TTC31: variants seen among roughly 807,000 people sequenced by gnomAD.
The protein encoded by TTC31 is tetratricopeptide repeat domain 31.
TTC31 carries 59 observed loss-of-function variants against 60.4 expected under a neutral mutation model. That is an observed-to-expected ratio of 0.98 (90% CI 0.79 to 1.21). TTC31 has a LOEUF of 1.21. TTC31 is among the 50% of genes most tolerant of loss of function. The pLI, the probability that TTC31 is intolerant of heterozygous loss-of-function variation, is 0.00. For synonymous variants in TTC31, 225 were observed against 249.6 expected, an observed-to-expected ratio of 0.90 and a Z score of 0.93; for missense variants, 672 against 646.9, an observed-to-expected ratio of 1.04 and a Z score of -0.42.
rs1430616473 is a variant in TTC31 at position 74,490,294 on chromosome 2, G to C, written c.283G>C (p.Asp95His). The C allele has an allele frequency of 1.9e-6, 3 of 1,614,164 alleles. No individual in the cohort carries two copies. Among genetic ancestry groups the C allele is most frequent in the Non-Finnish European group, 2.5e-6 (3 of 1,180,008 alleles). Residue 95 changes from aspartate to histidine, a missense_variant, in exon 4 of 13, where the codon GAC (aspartate) becomes CAC (histidine). Physicochemically the swap from Asp to His is moderately conservative, Grantham distance 81. Transcript: ENST00000233623. ...DDEGKSTGQS[D>H]RGKGAEGLGT... ...TGAAGGGAAATCAACTGGACAGAGT[G>C]ACAGGGGCAAGGGGGCTGAGGGACT...
intron 2 of TTC31, chr2:74,483,801 A>AC (rs1378449762): frequency 1.5e-5 from 4 of 258,434 alleles, no homozygotes; most frequent in Non-Finnish European, 2.9e-5. Context: ...ACATAGTGAG[A>AC]CCCCATCTCT....
chr2:74,483,454 C>A, intron 2 of TTC31, 44 bp downstream of exon 2: 2 of 1,613,772 alleles, frequency 1.2e-6, no homozygotes, highest in South Asian at 2.2e-5. Flanking sequence ...TCATTTTGGT[C>A]ACGCCTCTTT....
chr2:74,484,142 C>T (rs1672802011), intron 2 of TTC31, among the ~76,000 whole-genome samples: 1 of 149,656 alleles, frequency 6.7e-6, no homozygotes, highest in Non-Finnish European at 1.5e-5. Context: ...GTTACTGAGG[C>T]AGGAGAATCG....
In TTC31 at chr2:74,492,127, T is replaced by C; in HGVS notation, c.929-12T>C. 1 of 1,614,192 alleles carries C rather than the reference T, an allele frequency of 6.2e-7. No homozygotes were observed. The highest frequency in any genetic ancestry group is 8.5e-7 in the Non-Finnish European group (1 of 1,180,026). ...GCCCCATCTGAACCTTCTCACCCTC[T>C]TTCCTTTCCAGAGTTGGGTACCAGC... On this transcript the variant is annotated splice_polypyrimidine_tract_variant and intron_variant, in intron 9 of 12. Transcript: ENST00000233623.
Position 74,491,988 on chromosome 2 carries a change from T to C in TTC31, c.877-16T>C. ...TGAGACCTCAAGACCTGCTTGACTT[T>C]GCACCCTATCCCCAGGCATCTCCGG... is the stretch of plus-strand genomic sequence containing the variant. On this transcript the variant is annotated splice_polypyrimidine_tract_variant and intron_variant, in intron 8 of 12. Coordinates refer to ENST00000233623, the MANE Select transcript of TTC31 (RefSeq NM_022492.6). 3 of 1,614,200 alleles carry C rather than the reference T, an allele frequency of 1.9e-6. No individual in the cohort carries two copies. Among genetic ancestry groups the C allele is most frequent in the Non-Finnish European group, 2.5e-6 (3 of 1,180,018 alleles).
chr2:74,486,994 A>T (rs996104746), intron 2 of TTC31, among the ~76,000 whole-genome samples: 1 of 152,218 alleles, frequency 6.6e-6, no homozygotes, highest in African/African-American at 2.4e-5. Flanking sequence ...TCACTGGGGA[A>T]AAAGCATTCT....
rs1323136184 is a variant in TTC31, at chr2:74,492,169, T to C, written c.959T>C (p.Phe320Ser). 2 of 1,614,236 alleles carry C rather than the reference T, an allele frequency of 1.2e-6. No homozygotes were observed. Among genetic ancestry groups the C allele is most frequent in the Admixed American group, 3.3e-5 (2 of 60,032 alleles). The part of the protein sequence containing the change: ...KLGTSFAQNG[F>S]YHEAVVLFTQ... ...GGTACCAGCTTTGCTCAAAATGGTT[T>C]CTACCATGAGGCCGTGGTCCTCTTC... The change falls in exon 10 of 13, where the codon TTC (phenylalanine) becomes TCC (serine). Residue 320 changes from phenylalanine (F) to serine (S), a missense_variant. Transcript: ENST00000233623.
intron 2 of TTC31, among the ~76,000 whole-genome samples, chr2:74,486,722 G>A (rs891747587): frequency 2.0e-5 from 3 of 152,020 alleles, no homozygotes; most frequent in Non-Finnish European, 4.4e-5. Context: ...AAGAAACCCC[G>A]TTTCTACTAA....
At chr2:74,483,276 A>T in intron 1 of TTC31, 46 bp from the exon 2 acceptor site, 1 of 1,613,274 alleles carries the variant, frequency 6.2e-7, no homozygotes, top group Non-Finnish European at 8.5e-7. Flanking sequence ...ACTCTAGCCC[A>T]TCTGTCCCGA....
intron 2 of TTC31, among the ~76,000 whole-genome samples, chr2:74,484,845 G>A (rs1672899033): frequency 6.6e-6 from 1 of 152,016 alleles, no homozygotes; most frequent in South Asian, 2.1e-4. Flanking sequence ...AAACCCAAAA[G>A]TTAATTTAAT....
rs1045997839 is a variant in TTC31 at position 74,483,118 on chromosome 2, T to C, written c.23T>C (p.Val8Ala). 2 of 1,614,104 alleles carry C rather than the reference T, an allele frequency of 1.2e-6. No individual in the cohort carries two copies. Among genetic ancestry groups the C allele is most frequent in the Middle Eastern group, 1.6e-4 (1 of 6,062 alleles). Residue 8 changes from valine (V) to alanine (A), a missense_variant, in exon 1 of 13, where the codon GTG (valine) becomes GCG (alanine). Transcript: ENST00000233623. MAPIPKT[V>A]GRIKLDCSLR... The stretch of plus-strand genomic sequence containing the variant: ...GCGATGGCGCCGATTCCAAAGACTG[T>C]GGGGCGGATCAAGCTAGGTGAGCGG...
At chr2:74,483,617 A>G in intron 2 of TTC31, 2 of 1,430,020 alleles carry the variant, frequency 1.4e-6, no homozygotes, top group Non-Finnish European at 1.8e-6. Context: ...AGATGCTCGA[A>G]GTGGGTAGAA....
chr2:74,492,604 T>C, intron 11 of TTC31, 42 bp from the exon 12 acceptor site: 2 of 1,610,654 alleles, frequency 1.2e-6, no homozygotes, highest in Non-Finnish European at 1.7e-6. Context: ...TTTAAGCACC[T>C]TGACACCTAA....
At position 74,490,008 on chromosome 2, in the gene TTC31, C is replaced by CA; in HGVS notation, c.130-17_130-16insA. 2 of 1,474,220 alleles carry CA rather than the reference C, an allele frequency of 1.4e-6. No individual in the cohort carries two copies. The highest frequency in any genetic ancestry group is 1.9e-6 in the Non-Finnish European group (2 of 1,076,704). The allele number at this position is 1,474,220 out of a possible 1,614,324, so 91.3% of individuals were successfully genotyped here. On this transcript the variant is annotated splice_polypyrimidine_tract_variant and intron_variant, in intron 2 of 12. Transcript: ENST00000233623. ...GCCCCCAACACCAGCCTCCCCTCCC[C>CA]TCCCCTCCCCTCCCAGGACATAGTG... is the stretch of plus-strand genomic sequence containing the variant.
rs777192579 is a variant in TTC31 at position 74,491,303 on chromosome 2, T to C, written c.612T>C (p.Thr204=). ...EQYCGEPKAS[T]TSDGDESPPS... ...GTCTATCTTTCTTCCAGGCCAGCAC[T>C]ACCTCAGATGGAGATGAGAGCCCCC... The change falls in exon 7 of 13, where the codon ACT becomes ACC. Residue 204 remains threonine (T), a synonymous_variant. Transcript: ENST00000233623. 2 of 1,614,182 alleles carry C rather than the reference T, an allele frequency of 1.2e-6. No homozygotes were observed. Among genetic ancestry groups the C allele is most frequent in the Middle Eastern group, 1.6e-4 (1 of 6,062 alleles).
intron 2 of TTC31, among the ~76,000 whole-genome samples, chr2:74,489,506 C>T (rs1278151000): frequency 6.6e-6 from 1 of 152,168 alleles, no homozygotes; most frequent in South Asian, 2.1e-4. Flanking sequence ...ATGGCCTTGG[C>T]AGTGGGGGAT....
intron 8 of TTC31, 39 bp from the exon 9 acceptor site, chr2:74,491,965 A>C: frequency 6.2e-7 from 1 of 1,613,924 alleles, no homozygotes; most frequent in Non-Finnish European, 8.5e-7. Context: ...GGGGAGGCTG[A>C]GACCTCAAGA....
chr2:74,487,068 G>A (rs534187622), intron 2 of TTC31, among the ~76,000 whole-genome samples: 5 of 152,218 alleles, frequency 3.3e-5, no homozygotes, highest in Non-Finnish European at 7.3e-5. Context: ...GAACTTCCAA[G>A]GACACTGCTG....
Position 74,493,215 on chromosome 2 carries a change from A to G in TTC31, c.1557A>G (p.Arg519=), listed in dbSNP as rs1674146306. The part of the protein sequence containing the change: ...GLGLQHLSQA[R] ...GGCTCCAGCATCTGTCTCAGGCCAG[A>G]TGAGGGGGCACCGGTCCCTCATAGG... Residue 519 remains arginine (R), a synonymous_variant, in exon 13 of 13, where the codon AGA becomes AGG. Transcript: ENST00000233623. 3.1e-6 allele frequency: 5 copies of G among 1,614,054 alleles called. No individual in the cohort carries two copies. Among genetic ancestry groups the G allele is most frequent in the Non-Finnish European group, 4.2e-6 (5 of 1,179,976 alleles).
Sources: allele counts gnomAD v4.1 joint callset (sites outside exome capture counted in the v4.1 genomes callset), GRCh38; gene constraint gnomAD v4.1.1; transcripts MANE v1.5; gene names NCBI Gene and HGNC (gene_info 2026-07-23, HGNC 2026-07-21).